NEB: variants seen among roughly 807,000 people sequenced by gnomAD.
NEB encodes the protein nebulin.
In NEB, 512 loss-of-function variants were observed where a neutral mutation model predicts 952.2. The observed-to-expected ratio is 0.54, with a 90% CI of 0.50 to 0.58. The LOEUF is 0.58. Among genes scored for constraint, NEB ranks in the 20% least tolerant of loss-of-function variants. NEB has a pLI of 0.00. For synonymous variants in NEB, 2,900 were observed against 3,149.8 expected, an observed-to-expected ratio of 0.92 and a Z score of 2.66; for missense variants, 8,428 against 9,231.1, an observed-to-expected ratio of 0.91 and a Z score of 3.56.
rs532095196 is a variant in NEB at position 151,733,008 on chromosome 2, C to A, written c.36+113G>T. The A allele has an allele frequency of 4.5e-6, 4 of 895,368 alleles. No individual in the cohort carries two copies. In the Admixed American group the frequency reaches 1.0e-4, roughly 22 times the overall value. The allele number at this position is 895,368 out of a possible 1,614,324, so 55.5% of individuals were successfully genotyped here. A position where few individuals can be genotyped will look rare whatever the true frequency, so the allele number is the denominator to read the frequency against. The stretch of plus-strand genomic sequence containing the variant: ...CTTTCTTATGCTTTAAATGATGACT[C>A]TTTGTGAAGTTATAATAGACAATGT... On this transcript the variant is annotated intron_variant, in intron 3 of 181. Transcript: ENST00000397345.
rs1577967329 is a variant in NEB, at chr2:151,569,191, A to G, written c.17535+77T>C. ...AAATGGTTAAGATTGCTGATATTAG[A>G]TGACTATATTTTAGCTTGTGCATTT... On this transcript the variant is annotated intron_variant, in intron 110 of 181. Coordinates refer to ENST00000397345, the MANE Select transcript of NEB (RefSeq NM_001164508.2). 4.3e-6 allele frequency: 5 copies of G among 1,155,838 alleles called. No homozygotes were observed. The East Asian group carries it at 9.5e-5, about 22-fold the overall frequency. 71.6% of individuals were successfully genotyped at this position (1,155,838 alleles called of 1,614,324 possible). A position where few individuals can be genotyped will look rare whatever the true frequency, so the allele number is the denominator to read the frequency against.
chr2:151,562,036 C>T (rs977305426), intron 121 of NEB, 74 bp downstream of exon 121: 52 of 1,175,522 alleles, frequency 4.4e-5, no homozygotes, highest in Non-Finnish European at 4.2e-5. Context: ...TCTTTGCCTG[C>T]CCATCAGCCC....
rs2153711899 is a variant in NEB at position 151,562,757 on chromosome 2, T to C, written c.18745A>G (p.Asn6249Asp). Residue 6249 changes from asparagine to aspartate, a missense_variant, in exon 120 of 182, where the codon AAT becomes GAT. Asn to Asp is a conservative substitution (Grantham distance 23, BLOSUM62 1). Around this residue, in one of 11 missense-constraint regions of NEB, gnomAD observed 3,374 missense variants for 3,651.5 expected, o/e 0.92. Coordinates refer to ENST00000397345, the MANE Select transcript of NEB (RefSeq NM_001164508.2). Reference sequence around the variant, plus strand: ...GCCAGCACGTGATTCATCATGTCATTGGGGATATGAACATTTGCTTTGGTA... The same window carrying C: ...GCCAGCACGTGATTCATCATGTCATCGGGGATATGAACATTTGCTTTGGTA... ...EDTKANVHIP[N>D]DMMNHVLAKR... 1 of 1,597,566 alleles carries C rather than the reference T, an allele frequency of 6.3e-7. No individual in the cohort carries two copies.
chr2:151,663,708 G>A lies in NEB; in HGVS notation c.5603C>T (p.Ser1868Phe), dbSNP rs2154172557. ...GAGCATGTCCACCGGGGTGTGGAAG[G>A]AGGTCTTGGATTTCTCATATCCCTT... ...YKKGYEKSKT[S>F]FHTPVDMLSV... is the part of the protein sequence containing the mutation. Residue 1868 changes from serine to phenylalanine, a missense_variant, in exon 45 of 182, where the codon TCC becomes TTC. Ser to Phe is a radical substitution (Grantham distance 155, BLOSUM62 -2). Transcript: ENST00000397345. 2 of 1,613,790 alleles carry A rather than the reference G, an allele frequency of 1.2e-6. No individual in the cohort carries two copies. The highest frequency in any genetic ancestry group is 2.2e-5 in the East Asian group (1 of 44,878).
In NEB at chr2:151,706,763, A is replaced by G. The variant is rs990511306; in HGVS notation, c.1152+118T>C. 2.2e-5 allele frequency: 16 copies of G among 712,714 alleles called. No individual in the cohort carries two copies. In the African/African-American group the frequency reaches 2.9e-4, roughly 13 times the overall value. The allele number at this position is 712,714 out of a possible 1,614,324, so 44.1% of individuals were successfully genotyped here. A position where few individuals can be genotyped will look rare whatever the true frequency, so the allele number is the denominator to read the frequency against. ...GTGGTTACATAGTTCCAATGAACCT[A>G]CCACTCCATAACCTTAATGTATTTG... On this transcript the variant is annotated intron_variant, in intron 13 of 181. Transcript: ENST00000397345.
At chr2:151,686,010 T>C (rs1402385540) in intron 27 of NEB, among the ~76,000 whole-genome samples, 2 of 152,240 alleles carry the variant, frequency 1.3e-5, no homozygotes, top group Admixed American at 6.5e-5. Flanking sequence ...AACTATAAAA[T>C]TGAGACCCTG....
rs78226234 is a variant in NEB, at chr2:151,644,443, A to T, written c.7644+25T>A. ...GAAGTGATAAATTGCAATCAAATCA[A>T]TATCAACAGAGGATAAAATCTTACT... On this transcript the variant is annotated intron_variant, in intron 56 of 181. Coordinates refer to ENST00000397345, the MANE Select transcript of NEB (RefSeq NM_001164508.2). The T allele has an allele frequency of 3.6e-5, 57 of 1,569,996 alleles. 1 individual carries two copies. The highest frequency in any genetic ancestry group is 1.6e-4 in the South Asian group (14 of 89,810).
chr2:151,624,226 G>T (rs1185610081), intron 71 of NEB, among the ~76,000 whole-genome samples: 1 of 152,028 alleles, frequency 6.6e-6, no homozygotes, highest in East Asian at 1.9e-4. Context: ...ATTGCACTGT[G>T]GTGAAGTCAA....
chr2:151,553,753 G>T, intron 126 of NEB, 75 bp downstream of exon 126: 1 of 1,369,888 alleles, frequency 7.3e-7, no homozygotes. Context: ...GTAAAGAAAT[G>T]GGTGAGTTTG....
At chr2:151,512,648 A>C in intron 161 of NEB, 85 bp downstream of exon 161, 1 of 982,100 alleles carries the variant, frequency 1.0e-6, no homozygotes, top group South Asian at 1.4e-5. Flanking sequence ...TGATCTGAAG[A>C]ATCTCTTAAG....
At chr2:151,549,181 C>A (rs1000719402) in intron 130 of NEB, among the ~76,000 whole-genome samples, 5 of 152,206 alleles carry the variant, frequency 3.3e-5, no homozygotes, top group African/African-American at 1.2e-4. Context: ...TATCAGCCAG[C>A]AGCTAGGCAA....
In NEB at chr2:151,619,508, G is replaced by A. The variant is rs1232295765; in HGVS notation, c.10815C>T (p.Cys3605=). Residue 3605 remains cysteine (C), a synonymous_variant, in exon 73 of 182, where the codon TGC becomes TGT. Transcript: ENST00000397345. Reference sequence around the variant, plus strand: ...GAATGATGTCATTCTGGTCGGGCAGGCAGATCCATTCATGCAGAGGATGTT... The same window carrying A: ...GAATGATGTCATTCTGGTCGGGCAGACAGATCCATTCATGCAGAGGATGTT... The part of the protein sequence containing the change: ...DYKHPLHEWI[C]LPDQNDIIHA... 1.2e-6 allele frequency: 2 copies of A among 1,613,492 alleles called. No homozygotes were observed. The highest frequency in any genetic ancestry group is 1.7e-5 in the Admixed American group (1 of 59,986).
chr2:151,705,714 A>T (rs1391492622), intron 13 of NEB, among the ~76,000 whole-genome samples: 1 of 152,246 alleles, frequency 6.6e-6, no homozygotes, highest in Non-Finnish European at 1.5e-5. Flanking sequence ...AATGTGGTAT[A>T]TATACAGCAT....
At chr2:151,638,608 C>G (rs756411365) in intron 63 of NEB, among the ~76,000 whole-genome samples, 1 of 152,222 alleles carries the variant, frequency 6.6e-6, no homozygotes, top group Non-Finnish European at 1.5e-5. Context: ...ATGAGATCAG[C>G]TCCTTGTCAC....
chr2:151,673,060 A>G (rs78540635), intron 36 of NEB, among the ~76,000 whole-genome samples: 3,001 of 152,314 alleles, frequency 0.02, 101 homozygotes, highest in African/African-American at 0.069. Flanking sequence ...AAATATGAGT[A>G]CCAGCTATAG....
chr2:151,485,547 T>C lies in NEB; in HGVS notation c.*213A>G. 2.4e-6 allele frequency: 1 copy of C among 416,502 alleles called. No individual in the cohort carries two copies. The highest frequency in any genetic ancestry group is 4.2e-6 in the Non-Finnish European group (1 of 236,672). 25.8% of individuals were successfully genotyped at this position (416,502 alleles called of 1,614,324 possible). A position where few individuals can be genotyped will look rare whatever the true frequency, so the allele number is the denominator to read the frequency against. On this transcript the variant is annotated 3_prime_UTR_variant, in exon 182 of 182. Transcript: ENST00000397345. ...ACATGTTTATAATGGAGAAAGACTC[T>C]AGGCACAGAAATAATATTGCAGAAG...
chr2:151,562,556 C>T (rs1423137894), intron 120 of NEB, 55 bp downstream of exon 120: 10 of 1,463,936 alleles, frequency 6.8e-6, no homozygotes, highest in Non-Finnish European at 8.2e-6. Context: ...GGGGGGTAGC[C>T]AAGACACAGT....
chr2:151,508,247 T>C (rs2070912143), intron 161 of NEB, 138 bp from the exon 162 acceptor site: 2 of 549,870 alleles, frequency 3.6e-6, no homozygotes, highest in Non-Finnish European at 6.4e-6. Flanking sequence ...TCCAAGGATG[T>C]TAGGGCATCG....
chr2:151,638,604 T>C (rs1236261182), intron 63 of NEB, among the ~76,000 whole-genome samples: 1 of 152,226 alleles, frequency 6.6e-6, no homozygotes, highest in Non-Finnish European at 1.5e-5. Context: ...ATTTATGAGA[T>C]CAGCTCCTTG....
Sources: gnomAD v4.1 joint callset for allele counts (sites outside exome capture counted in the v4.1 genomes callset) on GRCh38, gnomAD v4.1.1 for gene constraint, gnomAD v4.1.1 regional missense constraint, MANE v1.5 for transcripts, NCBI Gene and HGNC (gene_info 2026-07-23, HGNC 2026-07-21) for gene names.